Variants in IKBIP observed in about 807,000 individuals in gnomAD.
IKBIP encodes inhibitor of nuclear factor kappa-B kinase-interacting protein.
Under a neutral mutation model 31.0 loss-of-function variants are expected in IKBIP, and 28 were observed. The observed-to-expected ratio is 0.90, with a 90% confidence interval of 0.67 to 1.24. IKBIP has a LOEUF of 1.24. IKBIP is among the 50% of genes most tolerant of loss of function. IKBIP has a pLI of 0.00. For missense variants in IKBIP, 453 were observed against 441.9 expected (o/e 1.03, Z -0.23); for synonymous variants, 164 against 160.3 (o/e 1.02, Z -0.17).
intron 2 of IKBIP, among the ~76,000 whole-genome samples, chr12:98,619,006 T>G (rs901023704): frequency 2.0e-5 from 3 of 152,168 alleles, no homozygotes; most frequent in Non-Finnish European, 4.4e-5. Context: ...AATGTTTAAT[T>G]TCAAAATACA....
chr12:98,632,639 T>TG (rs2097622049), intron 2 of IKBIP, among the ~76,000 whole-genome samples: 2 of 139,266 alleles, frequency 1.4e-5, no homozygotes, highest in Admixed American at 1.5e-4. Flanking sequence ...TTTTTTTTTT[T>TG]GGGACAGAGT....
downstream of IKBIP, among the ~76,000 whole-genome samples, chr12:98,623,927 T>C (rs1452976170): frequency 6.6e-6 from 1 of 151,088 alleles, no homozygotes; most frequent in African/African-American, 2.5e-5. Context: ...AATTTCTTAA[T>C]AGGAAAACCT....
intron 2 of IKBIP, among the ~76,000 whole-genome samples, chr12:98,633,510 C>CTT (rs71432181): frequency 0.031 from 1,879 of 61,490 alleles, 20 homozygotes; most frequent in East Asian, 0.037. Flanking sequence ...TTTTTTAATT[C>CTT]TTTTTTTTTT....
At chr12:98,636,120 A>G (rs907180583) in intron 1 of IKBIP, among the ~76,000 whole-genome samples, 1 of 152,250 alleles carries the variant, frequency 6.6e-6, no homozygotes, top group African/African-American at 2.4e-5. Flanking sequence ...TTCTTTGCAT[A>G]TTGAGTCATC....
chr12:98,625,280 A>G lies in IKBIP; in HGVS notation c.*650T>C, dbSNP rs7310804. ...TTTAAAAGTCTTACAAGTATCTGTA[A>G]CACAGTTTAGAACCTTAACAAAAAC... On this transcript the variant is annotated 3_prime_UTR_variant, in exon 3 of 3. Coordinates refer to ENST00000299157, the MANE Select transcript of IKBIP (RefSeq NM_153687.4). 472,419 of 981,216 alleles carry G rather than the reference A, an allele frequency of 0.48. 114,803 individuals are homozygous for G. Among genetic ancestry groups the G allele is most frequent in the East Asian group, 0.55 (4,806 of 8,788 alleles). 60.8% of individuals were successfully genotyped at this position (981,216 alleles called of 1,614,324 possible).
At chr12:98,643,051 C>T (rs1322424746) in intron 1 of IKBIP, among the ~76,000 whole-genome samples, 2 of 152,240 alleles carry the variant, frequency 1.3e-5, no homozygotes, top group Admixed American at 1.3e-4. Context: ...CTCCCCATTT[C>T]GAGTGATTCT....
chr12:98,631,803 GAA>G (rs1274705150), intron 2 of IKBIP, among the ~76,000 whole-genome samples: 1 of 129,244 alleles, frequency 7.7e-6, no homozygotes. Flanking sequence ...AAAAAAAAAA[GAA>G]AAAAAAAAAG....
At chr12:98,627,490 G>C (rs1409518357) in intron 2 of IKBIP, among the ~76,000 whole-genome samples, 1 of 147,332 alleles carries the variant, frequency 6.8e-6, no homozygotes, top group Non-Finnish European at 1.5e-5. Flanking sequence ...CCAGGCTGGA[G>C]TGCAGTGGCG....
Position 98,644,650 on chromosome 12 carries a change from C to G in IKBIP, c.52G>C (p.Ala18Pro). ...KKSGPKGAPA[A>P]EPGKRSEGGK... ...CCCTCGCTCCGCTTCCCGGGCTCCG[C>G]AGCAGGGGCTCCCTTGGGCCCCGAC... Residue 18 changes from alanine to proline, a missense_variant, in exon 1 of 3, where the codon GCG becomes CCG. Transcript: ENST00000299157. 3.7e-6 allele frequency: 6 copies of G among 1,611,274 alleles called. No individual in the cohort carries two copies. Among genetic ancestry groups the G allele is most frequent in the Non-Finnish European group, 5.1e-6 (6 of 1,179,358 alleles).
intron 2 of IKBIP, among the ~76,000 whole-genome samples, chr12:98,616,200 GAT>G (rs572522843): frequency 1.8e-3 from 267 of 152,220 alleles, no homozygotes; most frequent in African/African-American, 5.7e-3. Flanking sequence ...GGTGTGAGTT[GAT>G]ATCTCATTGT....
Position 98,644,788 on chromosome 12 carries a change from T to C in IKBIP, c.-87A>G, listed in dbSNP as rs749924784. ...GCCGCCTTGGCGTTCGTGGGAACCCTGGGCGGTGACCGCGCCCCCTCACAG... is the reference window on the plus strand; with the variant it reads ...GCCGCCTTGGCGTTCGTGGGAACCCCGGGCGGTGACCGCGCCCCCTCACAG... On this transcript the variant is annotated 5_prime_UTR_variant, in exon 1 of 3. Transcript: ENST00000299157. 3 of 1,454,364 alleles carry C rather than the reference T, an allele frequency of 2.1e-6. No homozygotes were observed. In the East Asian group the frequency reaches 7.2e-5, roughly 35 times the overall value. The allele number at this position is 1,454,364 out of a possible 1,614,324, so 90.1% of individuals were successfully genotyped here. A position where few individuals can be genotyped will look rare whatever the true frequency, so the allele number is the denominator to read the frequency against.
intron 2 of IKBIP, among the ~76,000 whole-genome samples, chr12:98,615,547 T>C (rs2097605824): frequency 1.3e-5 from 2 of 152,152 alleles, no homozygotes; most frequent in Non-Finnish European, 1.5e-5. Context: ...AATTTTCAAG[T>C]ATATATTATT....
At chr12:98,637,723 T>C (rs1488776872) in intron 1 of IKBIP, among the ~76,000 whole-genome samples, 1 of 152,026 alleles carries the variant, frequency 6.6e-6, no homozygotes, top group Non-Finnish European at 1.5e-5. Flanking sequence ...TTTCTTTCCT[T>C]TTTTTGAGAC....
At chr12:98,634,576 C>T (rs1411712085) in intron 1 of IKBIP, among the ~76,000 whole-genome samples, 163 bp from the exon 2 acceptor site, 1 of 150,976 alleles carries the variant, frequency 6.6e-6, no homozygotes, top group Non-Finnish European at 1.5e-5. Context: ...ACTCTGTCAC[C>T]CAGGCTGGAA....
In IKBIP at chr12:98,629,749, T is replaced by C. The variant is rs1033298863; in HGVS notation, c.298-2983A>G. 1.6e-4 allele frequency among the ~76,000 whole-genome samples: 25 copies of C among 152,258 alleles called. 1 individual carries two copies. Among genetic ancestry groups the C allele is most frequent in the African/African-American group, 6.0e-4 (25 of 41,540 alleles). On this transcript the variant is annotated intron_variant, in intron 2 of 2. Coordinates refer to ENST00000299157, the MANE Select transcript of IKBIP (RefSeq NM_153687.4). ...TAGCAGTATTTTGAAGAGGCAAGCT[T>C]ATCCTCACCTAAGGTAATGTCCTGT...
At position 98,616,116 on chromosome 12, in the gene IKBIP, C is replaced by T. The variant is rs117461139; in HGVS notation, c.298-1776G>A. ...GCTATACTTTCCCACTCACAGTGTA[C>T]GATGGTTCCCTTTTCTCCACATTCT... On this transcript the variant is annotated intron_variant, in intron 2 of 2. Coordinates refer to the IKBIP transcript ENST00000342502. 7.1e-3 allele frequency among the ~76,000 whole-genome samples: 1,072 copies of T among 151,906 alleles called. 5 individuals carry two copies. The highest frequency in any genetic ancestry group is 0.011 in the Non-Finnish European group (756 of 67,978).
chr12:98,627,592 C>T (rs1416355362), intron 2 of IKBIP, among the ~76,000 whole-genome samples: 1 of 152,050 alleles, frequency 6.6e-6, no homozygotes, highest in Non-Finnish European at 1.5e-5. Context: ...GCGCCCGCCA[C>T]CACACCCGGC....
intron 2 of IKBIP, among the ~76,000 whole-genome samples, chr12:98,618,131 T>C (rs2097607289): frequency 6.6e-6 from 1 of 152,122 alleles, no homozygotes; most frequent in African/African-American, 2.4e-5. Context: ...ATTGTGCCTA[T>C]GAATACCAAC....
chr12:98,626,267 A>G lies in IKBIP; in HGVS notation c.797T>C (p.Val266Ala), dbSNP rs145714852. The G allele has an allele frequency of 3.1e-6, 5 of 1,614,054 alleles. No individual in the cohort carries two copies. The African/African-American group carries it at 6.7e-5, about 22-fold the overall frequency. Residue 266 changes from valine to alanine, a missense_variant, in exon 3 of 3, where the codon GTT becomes GCT. Physicochemically the swap from Val to Ala is moderately conservative, Grantham distance 64. Transcript: ENST00000299157. ...TNKLSDYEPK[V>A]EECKTHLPTI... ...TGGCAAATGTGTCTTGCATTCTTCA[A>G]CTTTGGGTTCGTAGTCGGAAAGTTT... is the stretch of plus-strand genomic sequence containing the variant.
Sources: allele counts gnomAD v4.1 joint callset (sites outside exome capture counted in the v4.1 genomes callset), GRCh38; gene constraint gnomAD v4.1.1; transcripts MANE v1.5; gene names NCBI Gene and HGNC (gene_info 2026-07-23, HGNC 2026-07-21).